The following RFX3 variants were observed in gnomAD, a reference collection of about 807,000 sequenced individuals.
The protein encoded by RFX3 is regulatory factor X3, also known as transcription factor RFX3.
Under a neutral mutation model 98.6 loss-of-function variants are expected in RFX3, and 14 were observed. The observed-to-expected ratio is 0.14, with a 90% CI of 0.09 to 0.22. The LOEUF (loss-of-function observed/expected upper bound fraction) is 0.22. RFX3 is among the 10% of genes least tolerant of loss of function. RFX3 has a pLI of 1.00. For missense variants in RFX3, 639 were observed against 926.9 expected (o/e 0.69, Z 4.03); for synonymous variants, 383 against 328.4 (o/e 1.17, Z -1.80).
At chr9:3,270,140 A>AAAG (rs1373785068) in intron 11 of RFX3, among the ~76,000 whole-genome samples, 1 of 147,624 alleles carries the variant, frequency 6.8e-6, no homozygotes, top group Admixed American at 6.7e-5. Context: ...AGAAAGAAAG[A>AAAG]AAAGGAGAAA....
At chr9:3,376,071 A>G (rs558584078) in intron 2 of RFX3, among the ~76,000 whole-genome samples, 76 of 152,332 alleles carry the variant, frequency 5.0e-4, no homozygotes, top group African/African-American at 1.7e-3. Context: ...CAGTTGGTCA[A>G]TAAGCACATA....
At chr9:3,268,553 A>G (rs146900379) in intron 11 of RFX3, among the ~76,000 whole-genome samples, 1 of 151,942 alleles carries the variant, frequency 6.6e-6, no homozygotes, top group African/African-American at 2.4e-5. Flanking sequence ...TAAATTTCCA[A>G]ATTTTCTTGG....
At chr9:3,395,157 A>C (rs995124387) in intron 2 of RFX3, among the ~76,000 whole-genome samples, 14 of 152,230 alleles carry the variant, frequency 9.2e-5, no homozygotes, top group Admixed American at 3.3e-4. Context: ...TGTGATAAAC[A>C]ATGAGGAGAG....
At chr9:3,248,301 T>C (rs1820946257) in intron 14 of RFX3, 116 bp from the exon 15 acceptor site, 1 of 1,278,574 alleles carries the variant, frequency 7.8e-7, no homozygotes, top group South Asian at 1.7e-5. Context: ...TGGTATAGTA[T>C]AAAACCTGCC....
At chr9:3,233,959 C>T (rs1818809978) in intron 15 of RFX3, among the ~76,000 whole-genome samples, 1 of 152,190 alleles carries the variant, frequency 6.6e-6, no homozygotes, top group African/African-American at 2.4e-5. Context: ...TCCCAGTACT[C>T]TGAAAGGATA....
chr9:3,394,407 G>A (rs1057288834), intron 2 of RFX3, among the ~76,000 whole-genome samples: 6 of 152,186 alleles, frequency 3.9e-5, no homozygotes, highest in Non-Finnish European at 7.3e-5. Context: ...AGCTTGCGGT[G>A]AGCCGAGATG....
At position 3,330,274 on chromosome 9, in the gene RFX3, C is replaced by T. The variant is rs1402813402; in HGVS notation, c.459G>A (p.Arg153=). Residue 153 remains arginine, a synonymous_variant, in exon 4 of 17, where the codon CGG becomes CGA. Coordinates refer to ENST00000617270, the MANE Select transcript of RFX3 (RefSeq NM_001282116.2). ...NSGHSVTHTT[R]ASPATIEMAI... is the part of the protein sequence containing the mutation. ...AAATACTTACTGTCGCTGGGGAGGC[C>T]CGAGTTGTGTGTGTCACTGAGTGAC... 3 of 1,614,010 alleles carry T rather than the reference C, an allele frequency of 1.9e-6. No homozygotes were observed. Among genetic ancestry groups the T allele is most frequent in the South Asian group, 1.1e-5 (1 of 91,076 alleles).
At chr9:3,420,810 T>G (rs1843377178) in intron 1 of RFX3, 1 of 985,230 alleles carries the variant, frequency 1.0e-6, no homozygotes. Context: ...CTGGTTCTTT[T>G]CTTCAGATGA....
At chr9:3,514,860 C>G (rs370767070) in intron 1 of RFX3, among the ~76,000 whole-genome samples, 5 of 152,094 alleles carry the variant, frequency 3.3e-5, no homozygotes, top group African/African-American at 7.2e-5. Context: ...CACCATGGCA[C>G]GTAAAATACA....
chr9:3,525,940 GGGA>G lies in RFX3; in HGVS notation c.-205_-203del. The G allele has an allele frequency of 8.7e-6, 8 of 914,562 alleles. No individual in the cohort carries two copies. The highest frequency in any genetic ancestry group is 1.0e-5 in the Non-Finnish European group (8 of 766,980). 56.7% of individuals were successfully genotyped at this position (914,562 alleles called of 1,614,324 possible). ...ATAACTCACAAAAGAGAGAGAGAGA[GGGA>G]GAGAGAGAGAGAGCGAGAGGGAGAG... On this transcript the variant is annotated 5_prime_UTR_variant, in exon 1 of 17. Transcript: ENST00000617270.
chr9:3,469,287 C>T (rs1848574574), intron 1 of RFX3: 1 of 331,656 alleles, frequency 3.0e-6, no homozygotes. Flanking sequence ...ATTTCATATA[C>T]ATTATTTTCT....
At chr9:3,493,700 A>AAAAAAATAT (rs398010211) in intron 1 of RFX3, among the ~76,000 whole-genome samples, 3 of 71,814 alleles carry the variant, frequency 4.2e-5, no homozygotes, top group African/African-American at 1.8e-4. Flanking sequence ...AAAAAAAAAA[A>AAAAAAATAT]ATATATATAT....
rs370700784 is a variant in RFX3 at position 3,422,172 on chromosome 9, G to A, written c.-8-26576C>T. The stretch of plus-strand genomic sequence containing the variant: ...ATTTACCTCACGTGAAAACTCTTCA[G>A]CTAAATCTTCCTGGCACAAATAGCA... On this transcript the variant is annotated intron_variant, in intron 1 of 16. Transcript: ENST00000617270. Among the ~76,000 whole-genome samples the A allele has an allele frequency of 7.8e-4, 119 of 152,252 alleles. 2 individuals carry two copies. In the South Asian group the frequency reaches 0.024, roughly 31 times the overall value.
chr9:3,506,630 T>C (rs1037571725), intron 1 of RFX3, among the ~76,000 whole-genome samples: 2 of 151,860 alleles, frequency 1.3e-5, no homozygotes, highest in Admixed American at 1.3e-4. Flanking sequence ...CCTTGTTGGA[T>C]ACTAAGAAAA....
chr9:3,441,007 G>A (rs1845560426), intron 1 of RFX3, among the ~76,000 whole-genome samples: 1 of 152,140 alleles, frequency 6.6e-6, no homozygotes, highest in Non-Finnish European at 1.5e-5. Flanking sequence ...AGTATTGTTG[G>A]AACAAATGGA....
intron 5 of RFX3, among the ~76,000 whole-genome samples, chr9:3,295,366 G>C (rs1175490137): frequency 6.6e-6 from 1 of 152,044 alleles, no homozygotes; most frequent in Non-Finnish European, 1.5e-5. Context: ...GGCAGCCCTA[G>C]TGAGCTGTAT....
In RFX3 at chr9:3,496,938, G is replaced by C. The variant is rs556123068; in HGVS notation, c.-9+28809C>G. 2.2e-4 allele frequency among the ~76,000 whole-genome samples: 33 copies of C among 152,108 alleles called. No individual in the cohort carries two copies. The South Asian group carries it at 6.8e-3, about 32-fold the overall frequency. On this transcript the variant is annotated intron_variant, in intron 1 of 16. Transcript: ENST00000617270. ...TTTGCATCTTTGTGGAAATTTCACA[G>C]ATCCATGCAAGTACTACAACAAGCC...
At chr9:3,469,389 C>A (rs1848582235) in intron 1 of RFX3, among the ~76,000 whole-genome samples, 1 of 152,046 alleles carries the variant, frequency 6.6e-6, no homozygotes, top group Non-Finnish European at 1.5e-5. Context: ...TAAGGATCAA[C>A]TTGGGTATTT....
chr9:3,366,404 C>T (rs1837077850), intron 2 of RFX3, among the ~76,000 whole-genome samples: 1 of 152,170 alleles, frequency 6.6e-6, no homozygotes. Flanking sequence ...CACGCACCAA[C>T]TACTTTGGTT....
Sources: allele counts gnomAD v4.1 joint callset (sites outside exome capture counted in the v4.1 genomes callset), GRCh38; gene constraint gnomAD v4.1.1; transcripts MANE v1.5; gene names NCBI Gene and HGNC (gene_info 2026-07-23, HGNC 2026-07-21).